Variants in RPS27 observed in about 807,000 individuals in gnomAD.
RPS27 encodes the protein small ribosomal subunit protein eS27.
RPS27 carries 1 observed loss-of-function variant against 11.8 expected under a neutral mutation model. That is an observed-to-expected ratio of 0.08 (90% CI 0.03 to 0.40). The LOEUF (loss-of-function observed/expected upper bound fraction) is 0.40. Ranked by LOEUF, RPS27 falls within the 10% of genes least tolerant of loss-of-function variation. The pLI is 0.98. For synonymous variants in RPS27, 42 were observed against 33.8 expected (o/e 1.24, Z -0.84); for missense variants, 44 against 100.1 (o/e 0.44, Z 2.39).
chr1:153,990,833 A>C (rs527329641), intron 1 of RPS27, 31 bp downstream of exon 1: 10 of 1,614,036 alleles, frequency 6.2e-6, no homozygotes, highest in South Asian at 1.1e-5. Flanking sequence ...TTCGGCGGAG[A>C]TCTCGCTGTT....
In RPS27 at chr1:153,992,052, C is replaced by G; in HGVS notation, c.227-13C>G. 1.2e-6 allele frequency: 2 copies of G among 1,613,252 alleles called. No individual in the cohort carries two copies. The highest frequency in any genetic ancestry group is 1.7e-6 in the Non-Finnish European group (2 of 1,179,408). ...TACTGATGACAGCTAATCTCTGAAT[C>G]TTTTTCCTCCAGGATGTTCCTTCAG... On this transcript the variant is annotated splice_polypyrimidine_tract_variant and intron_variant, in intron 3 of 3. Coordinates refer to ENST00000651669, the MANE Select transcript of RPS27 (RefSeq NM_001030.6).
intron 2 of RPS27, 153 bp downstream of exon 2, chr1:153,991,376 A>T: frequency 1.3e-6 from 2 of 1,507,326 alleles, no homozygotes; most frequent in Non-Finnish European, 1.8e-6. Context: ...TAAAATTTGA[A>T]TGTATGAGAC....
At chr1:153,991,463 G>T in intron 2 of RPS27, 103 bp from the exon 3 acceptor site, 1 of 1,357,004 alleles carries the variant, frequency 7.4e-7, no homozygotes, top group South Asian at 1.2e-5. Context: ...CAACCCCTAC[G>T]TTTTTTTGTG....
At chr1:153,991,463 GT>G in intron 2 of RPS27, 102 bp from the exon 3 acceptor site, 1 of 1,357,000 alleles carries the variant, frequency 7.4e-7, no homozygotes, top group Non-Finnish European at 1.0e-6. Flanking sequence ...CAACCCCTAC[GT>G]TTTTTTGTGT....
rs1649404075 is a variant in RPS27, at chr1:153,991,501, T to A, written c.116-65T>A. 2.2e-6 allele frequency: 3 copies of A among 1,382,920 alleles called. No homozygotes were observed. The East Asian group carries it at 6.9e-5, about 32-fold the overall frequency. The allele number at this position is 1,382,920 out of a possible 1,614,324, so 85.7% of individuals were successfully genotyped here. ...GGGAAACAATGTAATGGATGATGAGTTGGGCATAAGTGCAGGAAAGACGGG... is the reference window on the plus strand; with the variant it reads ...GGGAAACAATGTAATGGATGATGAGATGGGCATAAGTGCAGGAAAGACGGG... On this transcript the variant is annotated intron_variant, in intron 2 of 3. Coordinates refer to ENST00000651669, the MANE Select transcript of RPS27 (RefSeq NM_001030.6).
chr1:153,991,022 C>G (rs888088814), intron 1 of RPS27, 93 bp from the exon 2 acceptor site: 1 of 1,175,774 alleles, frequency 8.5e-7, no homozygotes, highest in Non-Finnish European at 1.2e-6. Flanking sequence ...CGGCGAGGGG[C>G]GAGCTCTCCC....
Position 153,991,137 on chromosome 1 carries a change from C to A in RPS27, c.29C>A (p.Pro10His), listed in dbSNP as rs146810634. Residue 10 changes from proline (P) to histidine (H), a missense_variant, in exon 2 of 4, where the codon CCC (proline) becomes CAC (histidine). Pro to His is a moderately conservative substitution (Grantham distance 77). Around this residue, in one of 2 missense-constraint regions of RPS27, gnomAD observed 21 missense variants for 16.2 expected, o/e 1.29. Coordinates refer to ENST00000651669, the MANE Select transcript of RPS27 (RefSeq NM_001030.6). ...TAGCTCGCAAAGGATCTCCTTCATC[C>A]CTCTCCAGAAGAGGAGAAGAGGAAA... Reference protein sequence around the residue: MPLAKDLLHPSPEEEKRKHK... With the variant: MPLAKDLLHHSPEEEKRKHK... 17 of 1,592,808 alleles carry A rather than the reference C, an allele frequency of 1.1e-5. No individual in the cohort carries two copies. Among genetic ancestry groups the A allele is most frequent in the Non-Finnish European group, 1.5e-5 (17 of 1,168,082 alleles).
intron 1 of RPS27, 140 bp downstream of exon 1, chr1:153,990,942 C>T: frequency 7.5e-7 from 1 of 1,331,846 alleles, no homozygotes; most frequent in Admixed American, 1.8e-5. Flanking sequence ...CGCAGCGGCC[C>T]ACGGGCCACC....
In RPS27 at chr1:153,992,084, G is replaced by A. The variant is rs762321047; in HGVS notation, c.246G>A (p.Lys82=). 1 of 1,612,708 alleles carries A rather than the reference G, an allele frequency of 6.2e-7. No homozygotes were observed. Among genetic ancestry groups the A allele is most frequent in the Admixed American group, 1.7e-5 (1 of 60,004 alleles). ...RLTEGCSFRR[K]QH is the part of the protein sequence containing the mutation. ...CTCCAGGATGTTCCTTCAGGAGGAA[G>A]CAGCACTAAAAGCACTCTGAGTCAA... The change falls in exon 4 of 4, where the codon AAG becomes AAA. Residue 82 remains lysine, a synonymous_variant. Transcript: ENST00000651669.
At position 153,991,553 on chromosome 1, in the gene RPS27, G is replaced by A. The variant is rs760036479; in HGVS notation, c.116-13G>A. On this transcript the variant is annotated splice_polypyrimidine_tract_variant and intron_variant, in intron 2 of 3. Coordinates refer to ENST00000651669, the MANE Select transcript of RPS27 (RefSeq NM_001030.6). The stretch of plus-strand genomic sequence containing the variant: ...GTAATAGAGGAAAAAAATGTTATCT[G>A]CTTTTCTTTCAGGATGCTATAAAAT... 1 of 1,597,788 alleles carries A rather than the reference G, an allele frequency of 6.3e-7. No individual in the cohort carries two copies. The highest frequency in any genetic ancestry group is 1.1e-5 in the South Asian group (1 of 90,634).
chr1:153,990,862 C>T, intron 1 of RPS27, 60 bp downstream of exon 1: 1 of 1,609,196 alleles, frequency 6.2e-7, no homozygotes, highest in Non-Finnish European at 8.5e-7. Context: ...ACTCTCCCCT[C>T]ACGCTGATTT....
chr1:153,991,181 G>T lies in RPS27; in HGVS notation c.73G>T (p.Val25Leu). The T allele has an allele frequency of 6.3e-7, 1 of 1,599,728 alleles. No homozygotes were observed. Among genetic ancestry groups the T allele is most frequent in the South Asian group, 1.1e-5 (1 of 89,492 alleles). ...EKRKHKKKRLVQSPNSYFMDV... is the reference protein window; with the variant it reads ...EKRKHKKKRLLQSPNSYFMDV... ...GAGGAAACACAAGAAGAAACGCCTG[G>T]TGCAGAGCCCCAATTCCTACTTCAT... The change falls in exon 2 of 4, where the codon GTG becomes TTG. Residue 25 changes from valine (V) to leucine (L), a missense_variant. This residue lies in a region of RPS27 where 23 missense variants were observed against 83.8 expected (regional missense o/e 0.27). Transcript: ENST00000651669.
chr1:153,990,961 CG>C, intron 1 of RPS27, 153 bp from the exon 2 acceptor site: 1 of 1,251,816 alleles, frequency 8.0e-7, no homozygotes, highest in African/African-American at 1.5e-5. Flanking sequence ...CCCGCATAGA[CG>C]GGAGCGGAGA....
rs752909586 is a variant in RPS27, at chr1:153,990,768, C to T, written c.-29C>T. Reference sequence around the variant, plus strand: ...CAGGATTTCCGCTTTCGCTCCTTTCCGGCGGTGACGACCTACGCACACGAG... The same window carrying T: ...CAGGATTTCCGCTTTCGCTCCTTTCTGGCGGTGACGACCTACGCACACGAG... On this transcript the variant is annotated 5_prime_UTR_variant, in exon 1 of 4. Transcript: ENST00000651669. The T allele has an allele frequency of 4.3e-6, 7 of 1,614,170 alleles. No individual in the cohort carries two copies. The highest frequency in any genetic ancestry group is 2.2e-5 in the East Asian group (1 of 44,886).
intron 3 of RPS27, 28 bp downstream of exon 3, chr1:153,991,704 G>A: frequency 5.7e-6 from 8 of 1,411,818 alleles, no homozygotes; most frequent in Non-Finnish European, 8.0e-6. Flanking sequence ...GTGATTTGGG[G>A]CTTTGAGTTT....
chr1:153,991,514 C>T (rs2633), intron 2 of RPS27, 52 bp from the exon 3 acceptor site: 1 of 1,418,600 alleles, frequency 7.0e-7, no homozygotes, highest in African/African-American at 1.4e-5. Context: ...GGCATAAGTG[C>T]AGGAAAGACG....
At chr1:153,990,962 G>T in intron 1 of RPS27, 153 bp from the exon 2 acceptor site, 2 of 1,248,084 alleles carry the variant, frequency 1.6e-6, no homozygotes, top group East Asian at 2.4e-5. Flanking sequence ...CCGCATAGAC[G>T]GGAGCGGAGA....
Position 153,991,546 on chromosome 1 carries a change from G to A in RPS27, c.116-20G>A. ...GACGGGTGTAATAGAGGAAAAAAAT[G>A]TTATCTGCTTTTCTTTCAGGATGCT... is the stretch of plus-strand genomic sequence containing the variant. On this transcript the variant is annotated intron_variant, in intron 2 of 3. Coordinates refer to ENST00000651669, the MANE Select transcript of RPS27 (RefSeq NM_001030.6). The A allele has an allele frequency of 6.3e-7, 1 of 1,586,490 alleles. No individual in the cohort carries two copies. Among genetic ancestry groups the A allele is most frequent in the East Asian group, 2.2e-5 (1 of 44,730 alleles).
Position 153,991,201 on chromosome 1 carries a change from C to T in RPS27, c.93C>T (p.Tyr31=). ...GCCTGGTGCAGAGCCCCAATTCCTA[C>T]TTCATGGATGTGAAATGCCCAGGTG... The part of the protein sequence containing the change: ...KKRLVQSPNS[Y]FMDVKCPGCY... Residue 31 remains tyrosine (Y), a synonymous_variant, in exon 2 of 4, where the codon TAC becomes TAT. Transcript: ENST00000651669. 2.5e-6 allele frequency: 4 copies of T among 1,598,802 alleles called. No homozygotes were observed. The highest frequency in any genetic ancestry group is 2.6e-6 in the Non-Finnish European group (3 of 1,170,232).
Sources: gnomAD v4.1 joint callset for allele counts on GRCh38, gnomAD v4.1.1 for gene constraint, gnomAD v4.1.1 regional missense constraint, MANE v1.5 for transcripts, NCBI Gene and HGNC (gene_info 2026-07-23, HGNC 2026-07-21) for gene names.